The following SMYD3 variants were observed in gnomAD, a reference collection of about 807,000 sequenced individuals.
SMYD3 encodes SET and MYND domain containing 3.
Under a neutral mutation model 57.7 loss-of-function variants are expected in SMYD3, and 36 were observed. The ratio of observed to expected loss-of-function variants is 0.62; its 90% CI spans 0.48 to 0.82. The LOEUF (loss-of-function observed/expected upper bound fraction) is 0.82, where lower values mean the gene tolerates loss of function less well. Among genes scored for constraint, SMYD3 ranks in the 40% least tolerant of loss-of-function variants. The pLI is 0.00. For missense variants in SMYD3, 515 were observed against 538.8 expected, an observed-to-expected ratio of 0.96 and a Z score of 0.44; for synonymous variants, 211 against 195.0, an observed-to-expected ratio of 1.08 and a Z score of -0.68.
chr1:246,135,908 A>G (rs1342845623), intron 5 of SMYD3, among the ~76,000 whole-genome samples: 1 of 152,168 alleles, frequency 6.6e-6, no homozygotes, highest in Admixed American at 6.5e-5. Context: ...GGCCTCTAGG[A>G]TTGTATAATG....
At chr1:246,365,041 C>G (rs888060457) in intron 1 of SMYD3, among the ~76,000 whole-genome samples, 4 of 151,990 alleles carry the variant, frequency 2.6e-5, no homozygotes, top group African/African-American at 7.2e-5. Context: ...AGAGATAAAG[C>G]CAATACACAG....
chr1:245,984,294 G>C (rs1415992146), intron 5 of SMYD3, among the ~76,000 whole-genome samples: 3 of 152,158 alleles, frequency 2.0e-5, no homozygotes, highest in Non-Finnish European at 4.4e-5. Context: ...TACTGACCCA[G>C]CCCAACCCTA....
At chr1:246,214,293 G>T (rs1337360053) in intron 5 of SMYD3, among the ~76,000 whole-genome samples, 1 of 152,126 alleles carries the variant, frequency 6.6e-6, no homozygotes, top group East Asian at 1.9e-4. Context: ...GTAAAAGAAT[G>T]CAAGATAACC....
At chr1:245,989,957 C>A (rs1233733251) in intron 5 of SMYD3, among the ~76,000 whole-genome samples, 1 of 152,176 alleles carries the variant, frequency 6.6e-6, no homozygotes, top group Non-Finnish European at 1.5e-5. Flanking sequence ...TATTCTGTGA[C>A]CTCTTCTCTA....
intron 1 of SMYD3, among the ~76,000 whole-genome samples, chr1:246,473,383 G>A (rs2067986576): frequency 6.6e-6 from 1 of 152,112 alleles, no homozygotes; most frequent in Non-Finnish European, 1.5e-5. Flanking sequence ...CAAAAAAAAT[G>A]CCTTGATTCC....
intron 5 of SMYD3, among the ~76,000 whole-genome samples, chr1:246,244,404 T>A (rs2063669264): frequency 6.6e-6 from 1 of 152,178 alleles, no homozygotes; most frequent in Non-Finnish European, 1.5e-5. Context: ...ATCCTGACTT[T>A]CTAGATCATT....
chr1:246,470,174 A>G (rs1248145543), intron 1 of SMYD3, among the ~76,000 whole-genome samples: 1 of 152,204 alleles, frequency 6.6e-6, no homozygotes, highest in Admixed American at 6.5e-5. Flanking sequence ...TGGAGACTAA[A>G]GAGACATGAC....
intron 5 of SMYD3, among the ~76,000 whole-genome samples, chr1:245,934,933 G>A (rs888841087): frequency 1.3e-4 from 20 of 152,158 alleles, no homozygotes; most frequent in Admixed American, 6.5e-4. Context: ...CTAGTCTTGC[G>A]ACAGTTTGAC....
intron 1 of SMYD3, among the ~76,000 whole-genome samples, chr1:246,475,036 G>A (rs2068010047): frequency 6.6e-6 from 1 of 152,168 alleles, no homozygotes; most frequent in Admixed American, 6.5e-5. Flanking sequence ...TTTGTACTTG[G>A]TCGGGCGCGG....
At chr1:246,201,442 A>G (rs2062922148) in intron 5 of SMYD3, among the ~76,000 whole-genome samples, 1 of 152,218 alleles carries the variant, frequency 6.6e-6, no homozygotes, top group Non-Finnish European at 1.5e-5. Context: ...TTGGGTCACT[A>G]TATCTGTAAC....
chr1:246,464,969 T>A (rs2067860750), intron 1 of SMYD3, among the ~76,000 whole-genome samples: 1 of 152,236 alleles, frequency 6.6e-6, no homozygotes, highest in Non-Finnish European at 1.5e-5. Flanking sequence ...AAGAAATAAA[T>A]TCCTTGTGTT....
chr1:246,041,819 A>G lies in SMYD3; in HGVS notation c.532-111882T>C, dbSNP rs567352435. Among the ~76,000 whole-genome samples the G allele has an allele frequency of 3.4e-3, 453 of 131,818 alleles. 3 individuals carry two copies. The highest frequency in any genetic ancestry group is 3.4e-3 in the Non-Finnish European group (216 of 64,454). The allele number at this position is 131,818 out of a possible 152,430, so 86.5% of individuals were successfully genotyped here. A position where few individuals can be genotyped will look rare whatever the true frequency, so the allele number is the denominator to read the frequency against. On this transcript the variant is annotated intron_variant, in intron 5 of 11. Transcript: ENST00000490107. ...TAGATGGTATGTAATCTTTATTGGGAAAAAAAAAAAGGGTGACTAAATACA... is the reference window on the plus strand; with the variant it reads ...TAGATGGTATGTAATCTTTATTGGGGAAAAAAAAAAGGGTGACTAAATACA...
intron 5 of SMYD3, among the ~76,000 whole-genome samples, chr1:246,186,026 C>T (rs12128836): frequency 0.071 from 10,766 of 152,044 alleles, 543 homozygotes; most frequent in African/African-American, 0.13. Flanking sequence ...CAAATCTCAC[C>T]ATTTTTTTTA....
At chr1:246,020,886 C>T (rs2059459234) in intron 5 of SMYD3, among the ~76,000 whole-genome samples, 1 of 152,142 alleles carries the variant, frequency 6.6e-6, no homozygotes, top group Non-Finnish European at 1.5e-5. Context: ...GAATCTGAAA[C>T]TCATCATTCA....
chr1:246,369,408 T>A (rs1160690580), intron 1 of SMYD3, among the ~76,000 whole-genome samples: 2 of 152,220 alleles, frequency 1.3e-5, no homozygotes, highest in Non-Finnish European at 2.9e-5. Context: ...TCAGAATTTT[T>A]AAAAATTGAA....
intron 1 of SMYD3, among the ~76,000 whole-genome samples, chr1:246,490,321 C>G (rs1418333214): frequency 6.6e-6 from 1 of 152,134 alleles, no homozygotes. Context: ...GAGAAGGAGT[C>G]AGTTTCAAAA....
chr1:245,755,178 C>T lies in SMYD3; in HGVS notation c.1186-5514G>A, dbSNP rs150191974. Among the ~76,000 whole-genome samples, 233 of 152,338 alleles carry T rather than the reference C, an allele frequency of 1.5e-3. 1 individual carries two copies. The highest frequency in any genetic ancestry group is 4.7e-3 in the African/African-American group (195 of 41,590). ...GTGTTGTACAATGTGCCATGCCAGA[C>T]ACAGCTACAAGGCGTGGATTTGGTT... On this transcript the variant is annotated intron_variant, in intron 11 of 11. Coordinates refer to ENST00000490107, the MANE Select transcript of SMYD3 (RefSeq NM_001167740.2).
At chr1:246,379,113 C>CACACACACACACACACACAT (rs143967247) in intron 1 of SMYD3, among the ~76,000 whole-genome samples, 1 of 139,922 alleles carries the variant, frequency 7.1e-6, no homozygotes, top group Non-Finnish European at 1.5e-5. Flanking sequence ...CACACACACA[C>CACACACACACACACACACAT]ATATATTCCA....
intron 2 of SMYD3, among the ~76,000 whole-genome samples, chr1:246,336,837 A>G (rs7541169): frequency 0.041 from 6,250 of 152,328 alleles, 429 homozygotes; most frequent in African/African-American, 0.14. Flanking sequence ...TTTCTGCATT[A>G]CATTTGAGTA....
Sources: allele counts gnomAD v4.1 joint callset (sites outside exome capture counted in the v4.1 genomes callset), GRCh38; gene constraint gnomAD v4.1.1; transcripts MANE v1.5; gene names NCBI Gene and HGNC (gene_info 2026-07-23, HGNC 2026-07-21).